LYPLAL1: variants seen among roughly 807,000 people sequenced by gnomAD.
LYPLAL1 encodes the protein lysophospholipase like 1.
LYPLAL1 carries 23 observed loss-of-function variants against 19.7 expected under a neutral mutation model. The ratio of observed to expected loss-of-function variants is 1.17; its 90% CI spans 0.84 to 1.65. The LOEUF is 1.65. LYPLAL1 is among the 40% of genes most tolerant of loss of function. LYPLAL1 has a pLI of 0.00. For synonymous variants in LYPLAL1, 119 were observed against 96.3 expected, an observed-to-expected ratio of 1.24 and a Z score of -1.38; for missense variants, 355 against 279.4, an observed-to-expected ratio of 1.27 and a Z score of -1.93.
chr1:219,393,504 G>A, the LYPLAL1 span, among the ~76,000 whole-genome samples: 1 of 152,126 alleles, frequency 6.6e-6, no homozygotes, highest in Non-Finnish European at 1.5e-5. Flanking sequence ...GGATACCTGT[G>A]TCCAGTATTC....
the LYPLAL1 span, among the ~76,000 whole-genome samples, chr1:219,275,597 A>G: frequency 6.6e-6 from 1 of 152,198 alleles, no homozygotes; most frequent in Non-Finnish European, 1.5e-5. Context: ...AGCAAATTAT[A>G]AGTCTATCAC....
chr1:219,386,052 T>C, the LYPLAL1 span, among the ~76,000 whole-genome samples: 2 of 152,120 alleles, frequency 1.3e-5, no homozygotes. Context: ...GTCCGGAGCT[T>C]TGCCTGGAAA....
At chr1:219,404,399 A>G in the LYPLAL1 span, among the ~76,000 whole-genome samples, 9 of 152,196 alleles carry the variant, frequency 5.9e-5, no homozygotes, top group Non-Finnish European at 1.3e-4. Context: ...CAATTATGTC[A>G]TTTTGTAAAT....
chr1:219,309,742 T>C, the LYPLAL1 span, among the ~76,000 whole-genome samples: 1 of 152,220 alleles, frequency 6.6e-6, no homozygotes, highest in Non-Finnish European at 1.5e-5. Flanking sequence ...TGTGGAACTG[T>C]AAGTTCAATT....
the LYPLAL1 span, among the ~76,000 whole-genome samples, chr1:219,218,792 A>G: frequency 1.3e-5 from 2 of 152,120 alleles, no homozygotes; most frequent in African/African-American, 2.4e-5. Context: ...AATCAGTTCA[A>G]TTTGTTTCAT....
chr1:219,381,395 G>T, the LYPLAL1 span, among the ~76,000 whole-genome samples: 1 of 152,080 alleles, frequency 6.6e-6, no homozygotes. Flanking sequence ...CATGAGAATG[G>T]ACTAACACAA....
intron 2 of LYPLAL1, among the ~76,000 whole-genome samples, chr1:219,187,072 C>A (rs1468603578): frequency 6.6e-6 from 1 of 150,738 alleles, no homozygotes; most frequent in Non-Finnish European, 1.5e-5. Flanking sequence ...GTCCCTTTAT[C>A]CCCATCTTGT....
chr1:219,247,088 A>C, the LYPLAL1 span, among the ~76,000 whole-genome samples: 1 of 152,168 alleles, frequency 6.6e-6, no homozygotes, highest in East Asian at 1.9e-4. Context: ...ATAGACATGT[A>C]ATTATGTGCC....
At chr1:219,334,325 ATTCTGCTCCCCATTTATAC>A in the LYPLAL1 span, among the ~76,000 whole-genome samples, 1 of 151,994 alleles carries the variant, frequency 6.6e-6, no homozygotes, top group East Asian at 1.9e-4. Flanking sequence ...TCCCACTGCA[ATTCTGCTCCCCATTTATAC>A]TTTAATCTTC....
At chr1:219,413,567 C>A in the LYPLAL1 span, among the ~76,000 whole-genome samples, 3 of 152,182 alleles carry the variant, frequency 2.0e-5, no homozygotes, top group Non-Finnish European at 4.4e-5. Context: ...AGTTACCCCC[C>A]AAAGAAGGAG....
chr1:219,238,430 C>A, the LYPLAL1 span, among the ~76,000 whole-genome samples: 3 of 149,596 alleles, frequency 2.0e-5, no homozygotes, highest in Non-Finnish European at 1.5e-5. Flanking sequence ...GGATTACAGG[C>A]GTGAGCCACT....
chr1:219,277,480 G>A, the LYPLAL1 span, among the ~76,000 whole-genome samples: 2 of 152,220 alleles, frequency 1.3e-5, no homozygotes, highest in South Asian at 4.1e-4. Context: ...CTAAACATGG[G>A]CCTTGTTCCA....
At chr1:219,421,742 A>G in the LYPLAL1 span, among the ~76,000 whole-genome samples, 1 of 152,170 alleles carries the variant, frequency 6.6e-6, no homozygotes, top group Non-Finnish European at 1.5e-5. Context: ...GGAGGATAGC[A>G]GGAGGGTGAG....
At chr1:219,284,121 CT>C in the LYPLAL1 span, among the ~76,000 whole-genome samples, 2 of 152,308 alleles carry the variant, frequency 1.3e-5, no homozygotes, top group East Asian at 3.9e-4. Context: ...CCTCTCTCTC[CT>C]TCTGCCATGT....
the LYPLAL1 span, among the ~76,000 whole-genome samples, chr1:219,320,263 G>T: frequency 1.3e-5 from 2 of 151,538 alleles, no homozygotes; most frequent in East Asian, 3.9e-4. Context: ...CCTTCTCTTG[G>T]TTGCTATCAT....
intron 3 of LYPLAL1, among the ~76,000 whole-genome samples, chr1:219,194,524 A>G (rs1657451796): frequency 6.6e-6 from 1 of 152,078 alleles, no homozygotes; most frequent in Admixed American, 6.6e-5. Context: ...GAAAGGGCCA[A>G]TGAGATTCTT....
At chr1:219,400,239 G>A in the LYPLAL1 span, among the ~76,000 whole-genome samples, 7 of 151,888 alleles carry the variant, frequency 4.6e-5, no homozygotes, top group African/African-American at 1.7e-4. Flanking sequence ...AGTTGTCTCA[G>A]CCCTTTGGTG....
At chr1:219,223,632 G>A in the LYPLAL1 span, among the ~76,000 whole-genome samples, 3 of 152,128 alleles carry the variant, frequency 2.0e-5, no homozygotes, top group Non-Finnish European at 4.4e-5. Flanking sequence ...ATGGTTCCAT[G>A]ATGAATAGTG....
intron 1 of LYPLAL1, among the ~76,000 whole-genome samples, chr1:219,176,718 T>C (rs1353763709): frequency 6.6e-6 from 1 of 152,172 alleles, no homozygotes; most frequent in Non-Finnish European, 1.5e-5. Flanking sequence ...AGATACCCAT[T>C]TGTGTCACTG....
Sources: allele counts gnomAD v4.1 joint callset (sites outside exome capture counted in the v4.1 genomes callset), GRCh38; gene constraint gnomAD v4.1.1; transcripts MANE v1.5; gene names NCBI Gene and HGNC (gene_info 2026-07-23, HGNC 2026-07-21).